Variants in STXBP5L observed in about 807,000 individuals in gnomAD.
The protein encoded by STXBP5L is syntaxin binding protein 5L.
A neutral mutation model predicts 144.5 loss-of-function variants in STXBP5L; 65 were observed. The ratio of observed to expected loss-of-function variants is 0.45; its 90% CI spans 0.37 to 0.55. The LOEUF (loss-of-function observed/expected upper bound fraction) is 0.55, where lower values mean the gene tolerates loss of function less well. STXBP5L is among the 20% of genes least tolerant of loss of function. The pLI, the probability that STXBP5L is intolerant of heterozygous loss-of-function variation, is 0.00. For missense variants in STXBP5L, 1,298 were observed against 1,405.5 expected, an observed-to-expected ratio of 0.92 and a Z score of 1.22; for synonymous variants, 505 against 469.6, an observed-to-expected ratio of 1.08 and a Z score of -0.97.
At chr3:120,963,349 G>C (rs1939107906) in intron 3 of STXBP5L, among the ~76,000 whole-genome samples, 3 of 152,144 alleles carry the variant, frequency 2.0e-5, no homozygotes, top group East Asian at 1.9e-4. Flanking sequence ...TCTCTGTCTT[G>C]TACCAGTTTT....
chr3:121,383,207 T>C (rs1001473524), intron 22 of STXBP5L, among the ~76,000 whole-genome samples: 1 of 151,848 alleles, frequency 6.6e-6, no homozygotes, highest in Admixed American at 6.6e-5. Context: ...GAGGCCAAGG[T>C]AGGAGTATTG....
intron 22 of STXBP5L, among the ~76,000 whole-genome samples, chr3:121,390,137 G>A (rs1003687290): frequency 1.3e-5 from 2 of 152,190 alleles, no homozygotes; most frequent in Non-Finnish European, 2.9e-5. Context: ...TTACCATTAT[G>A]TAATGGCCTT....
intron 2 of STXBP5L, among the ~76,000 whole-genome samples, chr3:120,944,267 G>A (rs1218271101): frequency 6.6e-6 from 1 of 151,136 alleles, no homozygotes; most frequent in Non-Finnish European, 1.5e-5. Context: ...AAAATAAAGA[G>A]CAAAAAATAT....
intron 5 of STXBP5L, among the ~76,000 whole-genome samples, chr3:121,059,389 C>T (rs144719639): frequency 0.099 from 15,123 of 152,040 alleles, 1,185 homozygotes; most frequent in Admixed American, 0.2. Flanking sequence ...TGTAGTATAG[C>T]TTGAAGTCAG....
At chr3:120,971,768 A>C (rs1053161590) in intron 3 of STXBP5L, among the ~76,000 whole-genome samples, 1 of 129,060 alleles carries the variant, frequency 7.7e-6, no homozygotes, top group African/African-American at 3.0e-5. Flanking sequence ...ATATATGTGT[A>C]TATATGTGTA....
intron 5 of STXBP5L, among the ~76,000 whole-genome samples, chr3:121,079,010 G>A (rs2042145043): frequency 6.6e-6 from 1 of 152,252 alleles, no homozygotes; most frequent in South Asian, 2.1e-4. Context: ...CCACAGTGCA[G>A]CGGTGGGCTG....
chr3:121,366,300 T>C (rs754023995), intron 20 of STXBP5L, among the ~76,000 whole-genome samples: 3 of 151,968 alleles, frequency 2.0e-5, no homozygotes, highest in Non-Finnish European at 2.9e-5. Context: ...TAAGTCCTCT[T>C]TTCTCTTACT....
At chr3:121,135,235 C>T (rs1387677641) in intron 7 of STXBP5L, among the ~76,000 whole-genome samples, 2 of 152,086 alleles carry the variant, frequency 1.3e-5, no homozygotes, top group Admixed American at 6.6e-5. Flanking sequence ...TATCCTTTGC[C>T]CACTTTTTGA....
intron 20 of STXBP5L, among the ~76,000 whole-genome samples, chr3:121,363,049 A>G (rs570958497): frequency 2.6e-5 from 4 of 152,116 alleles, no homozygotes; most frequent in Non-Finnish European, 4.4e-5. Context: ...ACGGCCTGGA[A>G]TAGGGGCCTC....
chr3:121,116,562 G>C (rs1458365904), intron 6 of STXBP5L, among the ~76,000 whole-genome samples: 1 of 152,046 alleles, frequency 6.6e-6, no homozygotes, highest in Non-Finnish European at 1.5e-5. Context: ...AATGATTGAT[G>C]ACATTATTGA....
intron 20 of STXBP5L, among the ~76,000 whole-genome samples, chr3:121,332,565 A>G (rs1241214044): frequency 6.6e-6 from 1 of 152,066 alleles, no homozygotes; most frequent in African/African-American, 2.4e-5. Context: ...AAACAAAAAT[A>G]AAACAAAAAT....
intron 3 of STXBP5L, among the ~76,000 whole-genome samples, chr3:121,017,787 T>TG (rs139321003): frequency 0.079 from 12,055 of 151,640 alleles, 1,153 homozygotes; most frequent in African/African-American, 0.23. Flanking sequence ...TCTAAATAAA[T>TG]GGGGGGGTGG....
rs551501980 is a variant in STXBP5L at position 120,969,329 on chromosome 3, G to C, written c.287+14292G>C. ...GTGTTTTTTCATATGTTTGTTGGTT[G>C]GTTGTGTATCTTTTTTGAGAATTAT... is the stretch of plus-strand genomic sequence containing the variant. On this transcript the variant is annotated intron_variant, in intron 3 of 26. Transcript: ENST00000471454. Among the ~76,000 whole-genome samples, 3 of 149,904 alleles carry C rather than the reference G, an allele frequency of 2.0e-5. No individual in the cohort carries two copies. In the East Asian group the frequency reaches 5.9e-4, roughly 29 times the overall value.
At chr3:121,062,083 G>A (rs939599492) in intron 5 of STXBP5L, among the ~76,000 whole-genome samples, 11 of 152,094 alleles carry the variant, frequency 7.2e-5, no homozygotes, top group African/African-American at 2.7e-4. Context: ...AATTTGGTAT[G>A]TTTTTGCAGG....
chr3:121,137,511 T>G (rs1406018315), intron 7 of STXBP5L, among the ~76,000 whole-genome samples: 1 of 152,132 alleles, frequency 6.6e-6, no homozygotes, highest in Non-Finnish European at 1.5e-5. Context: ...ATATTCCTGA[T>G]GAACATAGAT....
chr3:121,013,551 A>G (rs1944933718), intron 3 of STXBP5L, among the ~76,000 whole-genome samples: 1 of 150,596 alleles, frequency 6.6e-6, no homozygotes, highest in South Asian at 2.1e-4. Flanking sequence ...TTTGTTTCTT[A>G]TAGGTTTTGG....
At chr3:121,320,424 AG>A (rs1559972765) in intron 20 of STXBP5L, among the ~76,000 whole-genome samples, 1 of 152,028 alleles carries the variant, frequency 6.6e-6, no homozygotes, top group East Asian at 1.9e-4. Flanking sequence ...TACGTATCTA[AG>A]TATGCCCCTT....
At chr3:121,286,798 C>T (rs1341204500) in intron 19 of STXBP5L, among the ~76,000 whole-genome samples, 1 of 148,482 alleles carries the variant, frequency 6.7e-6, no homozygotes, top group Admixed American at 6.8e-5. Flanking sequence ...TAAATGAAAA[C>T]AATGGTTTTT....
In STXBP5L at chr3:121,199,122, A is replaced by G. The variant is rs113947880; in HGVS notation, c.878-6801A>G. ...GATTCTTCCTATCCATGAGCATACA[A>G]TTTTTTTCCGTTTGTTTGTGTGCTC... On this transcript the variant is annotated intron_variant, in intron 9 of 26. Transcript: ENST00000471454. 6.7e-3 allele frequency among the ~76,000 whole-genome samples: 1,026 copies of G among 152,062 alleles called. 6 individuals carry two copies. Among genetic ancestry groups the G allele is most frequent in the South Asian group, 0.013 (64 of 4,820 alleles).
Sources: allele counts gnomAD v4.1 joint callset (sites outside exome capture counted in the v4.1 genomes callset), GRCh38; gene constraint gnomAD v4.1.1; transcripts MANE v1.5; gene names NCBI Gene and HGNC (gene_info 2026-07-23, HGNC 2026-07-21).